Variants in NAA15 observed in about 807,000 individuals in gnomAD.
NAA15 encodes the protein N-alpha-acetyltransferase 15, NatA auxiliary subunit.
Under a neutral mutation model 114.0 loss-of-function variants are expected in NAA15, and 34 were observed. The observed-to-expected ratio is 0.30, with a 90% confidence interval of 0.23 to 0.40. The LOEUF is 0.40. Among genes scored for constraint, NAA15 ranks in the 10% least tolerant of loss-of-function variants. The pLI is 1.00. For synonymous variants in NAA15, 340 were observed against 338.0 expected (o/e 1.01, Z -0.06); for missense variants, 658 against 1,004.5 (o/e 0.66, Z 4.66).
intron 15 of NAA15, among the ~76,000 whole-genome samples, chr4:139,373,526 TAGTA>T (rs899206327): frequency 6.6e-6 from 1 of 152,130 alleles, no homozygotes; most frequent in Non-Finnish European, 1.5e-5. Flanking sequence ...AAATGGGAAT[TAGTA>T]AGGTCAGTAT....
At position 139,388,259 on chromosome 4, in the gene NAA15, A is replaced by C; in HGVS notation, c.*175A>C. 1 of 530,332 alleles carries C rather than the reference A, an allele frequency of 1.9e-6. No individual in the cohort carries two copies. Among genetic ancestry groups the C allele is most frequent in the East Asian group, 3.2e-5 (1 of 31,586 alleles). 32.9% of individuals were successfully genotyped at this position (530,332 alleles called of 1,614,324 possible). A position where few individuals can be genotyped will look rare whatever the true frequency, so the allele number is the denominator to read the frequency against. ...TGAAAAAGTATATATAAAATATCTAACATTACAGGATAGAGGTTCAGTTTC... is the reference window on the plus strand; with the variant it reads ...TGAAAAAGTATATATAAAATATCTACCATTACAGGATAGAGGTTCAGTTTC... On this transcript the variant is annotated 3_prime_UTR_variant, in exon 20 of 20. Transcript: ENST00000296543.
rs763637813 is a variant in NAA15 at position 139,357,490 on chromosome 4, A to C, written c.1192A>C (p.Asn398His). Residue 398 changes from asparagine (N) to histidine (H), a missense_variant, in exon 11 of 20, where the codon AAT becomes CAT. Coordinates refer to ENST00000296543, the MANE Select transcript of NAA15 (RefSeq NM_057175.5). Reference sequence around the variant, plus strand: ...GCCATCTATTGCTTTGGAGTACATAAATACTGCTATTGAAAGTACACCTAC... The same window carrying C: ...GCCATCTATTGCTTTGGAGTACATACATACTGCTATTGAAAGTACACCTAC... ...GQPSIALEYINTAIESTPTLI... is the reference protein window; with the variant it reads ...GQPSIALEYIHTAIESTPTLI... 1 of 1,612,682 alleles carries C rather than the reference A, an allele frequency of 6.2e-7. No homozygotes were observed. The highest frequency in any genetic ancestry group is 8.5e-7 in the Non-Finnish European group (1 of 1,178,754).
chr4:139,311,163 AT>A lies in NAA15; in HGVS notation c.54+9335del, dbSNP rs572212553. Among the ~76,000 whole-genome samples the A allele has an allele frequency of 2.5e-4, 38 of 151,524 alleles. No homozygotes were observed. The East Asian group carries it at 5.8e-3, about 23-fold the overall frequency. On this transcript the variant is annotated intron_variant, in intron 1 of 19. Transcript: ENST00000296543. ...TCAGTCCTTCTCACCTTATTTTCTT[AT>A]TTCTTACTTTATTCTCATTTATCAG...
intron 1 of NAA15, among the ~76,000 whole-genome samples, chr4:139,308,535 CAA>C (rs1425953576): frequency 6.6e-6 from 1 of 152,044 alleles, no homozygotes; most frequent in Admixed American, 6.6e-5. Flanking sequence ...AACAAAAAAT[CAA>C]AAAATGGAAA....
chr4:139,344,589 A>T (rs185696549), intron 6 of NAA15, among the ~76,000 whole-genome samples: 10 of 152,366 alleles, frequency 6.6e-5, no homozygotes, highest in Admixed American at 2.0e-4. Flanking sequence ...CATTCTTTAA[A>T]TAAAGTATCT....
intron 6 of NAA15, among the ~76,000 whole-genome samples, chr4:139,348,173 G>T (rs1444465019): frequency 6.6e-6 from 1 of 152,066 alleles, no homozygotes; most frequent in Non-Finnish European, 1.5e-5. Flanking sequence ...GTCACTGGTG[G>T]CCGGGCACGG....
chr4:139,367,886 A>G (rs546672948), intron 14 of NAA15, among the ~76,000 whole-genome samples: 1 of 152,264 alleles, frequency 6.6e-6, no homozygotes, highest in East Asian at 1.9e-4. Context: ...CATTTGACAC[A>G]TTTTATAACA....
intron 14 of NAA15, among the ~76,000 whole-genome samples, chr4:139,368,912 A>G (rs944169737): frequency 5.9e-5 from 9 of 152,316 alleles, no homozygotes; most frequent in African/African-American, 1.7e-4. Flanking sequence ...ATATTTCACT[A>G]TATTATAGCA....
At chr4:139,321,511 GC>G (rs1746609606) in intron 1 of NAA15, among the ~76,000 whole-genome samples, 1 of 108,864 alleles carries the variant, frequency 9.2e-6, no homozygotes, top group Non-Finnish European at 1.8e-5. Context: ...TCGCTTTGTT[GC>G]CCAGGCTGGA....
intron 1 of NAA15, among the ~76,000 whole-genome samples, chr4:139,329,022 A>G (rs1579097128): frequency 6.7e-6 from 1 of 148,736 alleles, no homozygotes; most frequent in Admixed American, 6.7e-5. Context: ...GGTGTGCGCC[A>G]CCATGCCTGG....
chr4:139,380,972 T>G (rs1289832453), intron 17 of NAA15, among the ~76,000 whole-genome samples: 1 of 152,224 alleles, frequency 6.6e-6, no homozygotes, highest in Non-Finnish European at 1.5e-5. Flanking sequence ...TAAGATATAC[T>G]GTTGTAACTG....
intron 16 of NAA15, among the ~76,000 whole-genome samples, chr4:139,377,119 T>G (rs1748601327): frequency 6.6e-6 from 1 of 152,114 alleles, no homozygotes; most frequent in South Asian, 2.1e-4. Context: ...GTCACAAAGG[T>G]GATGCATATT....
In NAA15 at chr4:139,378,866, T is replaced by C. The variant is rs762860717; in HGVS notation, c.2155+12T>C. The C allele has an allele frequency of 6.7e-7, 1 of 1,500,480 alleles. No individual in the cohort carries two copies. Among genetic ancestry groups the C allele is most frequent in the African/African-American group, 1.5e-5 (1 of 68,882 alleles). 92.9% of individuals were successfully genotyped at this position (1,500,480 alleles called of 1,614,324 possible). A position where few individuals can be genotyped will look rare whatever the true frequency, so the allele number is the denominator to read the frequency against. ...TCTCTTTAATACTGGTATGTTTTTGTTTTCCATTACTTAAGTATTTGATAC... is the reference window on the plus strand; with the variant it reads ...TCTCTTTAATACTGGTATGTTTTTGCTTTCCATTACTTAAGTATTTGATAC... On this transcript the variant is annotated intron_variant, in intron 17 of 19. Coordinates refer to ENST00000296543, the MANE Select transcript of NAA15 (RefSeq NM_057175.5).
At chr4:139,356,764 C>T (rs951265103) in intron 10 of NAA15, among the ~76,000 whole-genome samples, 2 of 152,004 alleles carry the variant, frequency 1.3e-5, no homozygotes, top group Non-Finnish European at 2.9e-5. Context: ...ATTTTCTTGT[C>T]AGTATATTAA....
intron 1 of NAA15, among the ~76,000 whole-genome samples, chr4:139,314,991 T>TCAGGTCAGGTCAGG (rs1560952660): frequency 1.5e-5 from 1 of 67,464 alleles, no homozygotes; most frequent in Non-Finnish European, 2.9e-5. Flanking sequence ...AAGCGTTCAG[T>TCAGGTCAGGTCAGG]TCAGTTCAGT....
At chr4:139,363,338 C>T (rs1000249720) in intron 14 of NAA15, among the ~76,000 whole-genome samples, 10 of 152,214 alleles carry the variant, frequency 6.6e-5, no homozygotes, top group African/African-American at 2.2e-4. Flanking sequence ...ACCCATTCTT[C>T]ATTCCAGCAA....
chr4:139,304,486 A>T (rs958751805), intron 1 of NAA15, among the ~76,000 whole-genome samples: 4 of 152,222 alleles, frequency 2.6e-5, no homozygotes, highest in African/African-American at 9.6e-5. Context: ...ATCCCGCGAG[A>T]TTCCAAAATT....
chr4:139,376,611 A>G, intron 16 of NAA15, 138 bp downstream of exon 16: 2 of 651,102 alleles, frequency 3.1e-6, no homozygotes, highest in Non-Finnish European at 5.5e-6. Context: ...AATGCCTGCT[A>G]TGAACAGAAT....
chr4:139,354,236 C>T (rs1747870327), intron 10 of NAA15, 138 bp downstream of exon 10: 1 of 630,748 alleles, frequency 1.6e-6, no homozygotes, highest in Admixed American at 2.9e-5. Context: ...GAGGGAGATC[C>T]ATTAATTTGC....
Sources: allele counts gnomAD v4.1 joint callset (sites outside exome capture counted in the v4.1 genomes callset), GRCh38; gene constraint gnomAD v4.1.1; transcripts MANE v1.5; gene names NCBI Gene and HGNC (gene_info 2026-07-23, HGNC 2026-07-21).